The following TBCK variants were observed in gnomAD, a reference collection of about 807,000 sequenced individuals.
TBCK encodes TBC domain-containing protein kinase-like protein.
TBCK carries 99 observed loss-of-function variants against 113.4 expected under a neutral mutation model. That is an observed-to-expected ratio of 0.87 (90% CI 0.74 to 1.03). TBCK has a LOEUF of 1.03. TBCK is among the 50% of genes least tolerant of loss of function. The pLI, the probability that TBCK is intolerant of heterozygous loss-of-function variation, is 0.00. For synonymous variants in TBCK, 369 were observed against 370.8 expected, an observed-to-expected ratio of 1.00 and a Z score of 0.05; for missense variants, 1,045 against 1,061.3, an observed-to-expected ratio of 0.98 and a Z score of 0.21.
At chr4:106,156,663 G>A (rs761228702) in intron 23 of TBCK, among the ~76,000 whole-genome samples, 1 of 152,144 alleles carries the variant, frequency 6.6e-6, no homozygotes, top group Non-Finnish European at 1.5e-5. Context: ...CAAACCCATG[G>A]AGAGTATTGC....
intron 23 of TBCK, among the ~76,000 whole-genome samples, chr4:106,144,063 T>C (rs6829795): frequency 0.21 from 31,198 of 152,176 alleles, 3,529 homozygotes; most frequent in South Asian, 0.27. Flanking sequence ...CTTAAGTTAC[T>C]GTGTTACACT....
chr4:106,161,706 G>C (rs749923351), intron 23 of TBCK, among the ~76,000 whole-genome samples: 29 of 105,356 alleles, frequency 2.8e-4, no homozygotes, highest in Non-Finnish European at 5.2e-4. Context: ...GTGTCTGTGT[G>C]TGTGTGTGTG....
At chr4:106,230,477 A>G (rs1758737684) in intron 18 of TBCK, 31 bp from the exon 19 acceptor site, 15 of 1,425,316 alleles carry the variant, frequency 1.1e-5, no homozygotes, top group Non-Finnish European at 1.5e-5. Flanking sequence ...GGCATGTAAA[A>G]AATTAGTTAA....
At chr4:106,304,642 T>G (rs1363372280) in intron 2 of TBCK, among the ~76,000 whole-genome samples, 1 of 152,182 alleles carries the variant, frequency 6.6e-6, no homozygotes, top group Non-Finnish European at 1.5e-5. Context: ...TTATTCTGTT[T>G]CCTTTCTCCC....
Position 106,046,514 on chromosome 4 carries a change from A to G in TBCK, c.*56T>C, listed in dbSNP as rs112941546. On this transcript the variant is annotated 3_prime_UTR_variant, in exon 26 of 26. Transcript: ENST00000394708. ...TCTGAGAGTGGCGTGGATATGAAGA[A>G]CTGTGCTGTTGGTGCTGATGCCACA... 1 of 916,014 alleles carries G rather than the reference A, an allele frequency of 1.1e-6. No individual in the cohort carries two copies. Among genetic ancestry groups the G allele is most frequent in the Non-Finnish European group, 1.8e-6 (1 of 556,264 alleles). The allele number at this position is 916,014 out of a possible 1,614,324, so 56.7% of individuals were successfully genotyped here. A position where few individuals can be genotyped will look rare whatever the true frequency, so the allele number is the denominator to read the frequency against.
chr4:106,138,930 A>T lies in TBCK; in HGVS notation c.2236-22552T>A, dbSNP rs139463208. On this transcript the variant is annotated intron_variant, in intron 23 of 25. Transcript: ENST00000394708. Reference sequence around the variant, plus strand: ...ATACTGATCTGGAGTTTCAGTGAGTAGAGTCAGCTGGTGACAAGAGGTCAC... The same window carrying T: ...ATACTGATCTGGAGTTTCAGTGAGTTGAGTCAGCTGGTGACAAGAGGTCAC... Among the ~76,000 whole-genome samples, 9 of 141,286 alleles carry T rather than the reference A, an allele frequency of 6.4e-5. 1 individual carries two copies. The East Asian group carries it at 1.6e-3, about 25-fold the overall frequency. 92.7% of individuals were successfully genotyped at this position (141,286 alleles called of 152,430 possible). A position where few individuals can be genotyped will look rare whatever the true frequency, so the allele number is the denominator to read the frequency against.
At chr4:106,221,524 C>T (rs2149948622) in intron 19 of TBCK, among the ~76,000 whole-genome samples, 3 of 152,152 alleles carry the variant, frequency 2.0e-5, no homozygotes, top group Admixed American at 2.0e-4. Context: ...AAAGGGAGCA[C>T]ATGTGACAGC....
At chr4:106,135,393 A>C (rs1315212526) in intron 23 of TBCK, among the ~76,000 whole-genome samples, 1 of 152,132 alleles carries the variant, frequency 6.6e-6, no homozygotes, top group Non-Finnish European at 1.5e-5. Context: ...ACAGTAACAG[A>C]ATCAGGATTC....
chr4:106,220,320 C>A (rs780182388), intron 19 of TBCK, among the ~76,000 whole-genome samples: 2 of 152,124 alleles, frequency 1.3e-5, no homozygotes, highest in Admixed American at 1.3e-4. Context: ...CTTCTCCTGC[C>A]GCTGCCATGT....
chr4:106,278,284 G>A lies in TBCK; in HGVS notation c.267-16072C>T, dbSNP rs138591308. Among the ~76,000 whole-genome samples the A allele has an allele frequency of 3.1e-3, 471 of 152,132 alleles. 1 individual carries two copies. Among genetic ancestry groups the A allele is most frequent in the Non-Finnish European group, 4.9e-3 (330 of 68,000 alleles). The stretch of plus-strand genomic sequence containing the variant: ...GAAATAAAGAGTTCATGGGCTGGGC[G>A]CGGCACCTCATGCCTGTAATCCTAG... On this transcript the variant is annotated intron_variant, in intron 3 of 25. Transcript: ENST00000394708.
chr4:106,117,360 TTATAA>T (rs1432710877), intron 23 of TBCK, among the ~76,000 whole-genome samples: 2 of 152,348 alleles, frequency 1.3e-5, no homozygotes, highest in Admixed American at 6.5e-5. Context: ...TGTTGGACTT[TTATAA>T]TATAATTTAT....
intron 2 of TBCK, among the ~76,000 whole-genome samples, chr4:106,305,506 A>AAT (rs909010841): frequency 7.9e-5 from 12 of 151,804 alleles, no homozygotes; most frequent in African/African-American, 2.4e-4. Context: ...GAGTTTGATT[A>AAT]ATATATATAT....
intron 23 of TBCK, among the ~76,000 whole-genome samples, chr4:106,120,865 A>G (rs1440482597): frequency 2.6e-5 from 4 of 152,134 alleles, no homozygotes; most frequent in Non-Finnish European, 5.9e-5. Flanking sequence ...AAAGATGGGA[A>G]AAAAACAGAA....
Position 106,264,857 on chromosome 4 carries a change from C to T in TBCK, c.267-2645G>A, listed in dbSNP as rs566388597. On this transcript the variant is annotated intron_variant, in intron 3 of 25. Transcript: ENST00000394708. ...ATGAGTAGAATATTTTCATGCACGG[C>T]GCATCTGAAAATATCTTATTCTTGC... 8.5e-4 allele frequency among the ~76,000 whole-genome samples: 129 copies of T among 151,820 alleles called. 1 individual carries two copies. The highest frequency in any genetic ancestry group is 9.6e-4 in the Non-Finnish European group (65 of 67,894).
chr4:106,277,332 C>A (rs1764142063), intron 3 of TBCK, among the ~76,000 whole-genome samples: 1 of 152,004 alleles, frequency 6.6e-6, no homozygotes. Flanking sequence ...CACAACAATT[C>A]TGCTCAAAGT....
chr4:106,155,535 C>T (rs985003940), intron 23 of TBCK, among the ~76,000 whole-genome samples: 1 of 152,078 alleles, frequency 6.6e-6, no homozygotes, highest in Non-Finnish European at 1.5e-5. Context: ...CCTTTTGAAG[C>T]TATTTCCTAG....
At chr4:106,228,398 C>T (rs1758476677) in intron 19 of TBCK, among the ~76,000 whole-genome samples, 2 of 151,476 alleles carry the variant, frequency 1.3e-5, no homozygotes, top group Non-Finnish European at 1.5e-5. Flanking sequence ...CCCTCCACTA[C>T]CCTTCCCAGC....
chr4:106,192,562 G>A (rs1175100020), intron 22 of TBCK, among the ~76,000 whole-genome samples: 2 of 152,016 alleles, frequency 1.3e-5, no homozygotes, highest in Non-Finnish European at 2.9e-5. Flanking sequence ...GAAAGCTGAT[G>A]ATAATAGTTT....
chr4:106,305,921 T>C (rs1767467593), intron 2 of TBCK, among the ~76,000 whole-genome samples: 1 of 152,204 alleles, frequency 6.6e-6, no homozygotes, highest in African/African-American at 2.4e-5. Context: ...AATCCACTCA[T>C]TGTTTAGCAT....
Sources: gnomAD v4.1 joint callset for allele counts (sites outside exome capture counted in the v4.1 genomes callset) on GRCh38, gnomAD v4.1.1 for gene constraint, MANE v1.5 for transcripts, NCBI Gene and HGNC (gene_info 2026-07-23, HGNC 2026-07-21) for gene names.